The following LRMDA variants were observed in gnomAD, a reference collection of about 807,000 sequenced individuals.
LRMDA encodes leucine-rich melanocyte differentiation-associated protein.
A neutral mutation model predicts 29.8 loss-of-function variants in LRMDA; 18 were observed. The observed-to-expected ratio is 0.60, with a 90% CI of 0.42 to 0.90. LRMDA has a LOEUF of 0.90. Among genes scored for constraint, LRMDA ranks in the 40% least tolerant of loss-of-function variants. LRMDA has a pLI of 0.00. For synonymous variants in LRMDA, 125 were observed against 109.4 expected, an observed-to-expected ratio of 1.14 and a Z score of -0.89; for missense variants, 273 against 273.9, an observed-to-expected ratio of 1.00 and a Z score of 0.02.
chr10:75,465,627 C>T (rs552839039), intron 2 of LRMDA, among the ~76,000 whole-genome samples: 11 of 152,272 alleles, frequency 7.2e-5, no homozygotes, highest in African/African-American at 2.2e-4. Context: ...GCGAATGCAG[C>T]GCATTTGTAG....
At chr10:76,184,476 C>T (rs11001674) in intron 5 of LRMDA, among the ~76,000 whole-genome samples, 1 of 152,136 alleles carries the variant, frequency 6.6e-6, no homozygotes, top group African/African-American at 2.4e-5. Context: ...GTGTCCGACA[C>T]AGCAGTTGCT....
chr10:76,066,004 T>C (rs1339065695), intron 5 of LRMDA, among the ~76,000 whole-genome samples: 2 of 152,190 alleles, frequency 1.3e-5, no homozygotes, highest in African/African-American at 2.4e-5. Context: ...ACCACAGACC[T>C]CTACATGAGA....
intron 5 of LRMDA, among the ~76,000 whole-genome samples, chr10:76,315,264 G>T (rs941089347): frequency 3.3e-5 from 5 of 152,246 alleles, no homozygotes; most frequent in Non-Finnish European, 7.3e-5. Flanking sequence ...GGAAGGGCTG[G>T]TGGGAGCCAG....
chr10:76,430,833 C>T (rs1485117824), intron 6 of LRMDA, among the ~76,000 whole-genome samples: 2 of 152,120 alleles, frequency 1.3e-5, no homozygotes, highest in Non-Finnish European at 2.9e-5. Flanking sequence ...CTAATTGTCC[C>T]ACAACCCCCT....
intron 6 of LRMDA, among the ~76,000 whole-genome samples, chr10:76,518,410 G>A (rs183476647): frequency 1.2e-4 from 18 of 151,990 alleles, no homozygotes; most frequent in South Asian, 8.3e-4. Flanking sequence ...GGACGAAGAG[G>A]ACCTCATGTA....
intron 2 of LRMDA, among the ~76,000 whole-genome samples, chr10:75,900,470 C>A (rs1345034178): frequency 2.0e-5 from 3 of 152,134 alleles, no homozygotes; most frequent in Admixed American, 2.0e-4. Context: ...ATCAAAATAG[C>A]CTCTTTAAAA....
rs1296737600 is a variant in LRMDA, at chr10:75,884,276, T to TGG, written c.132-151731_132-151730insGG. On this transcript the variant is annotated intron_variant, in intron 2 of 6. Coordinates refer to ENST00000611255, the MANE Select transcript of LRMDA (RefSeq NM_001305581.2). ...GTGTGTGTGTGTGTGTGTGTGTGTG[T>TGG]GTGTGTGTGTGTGTGTAGGGGAGGG... 3.4e-4 allele frequency among the ~76,000 whole-genome samples: 33 copies of TGG among 97,986 alleles called. 1 individual carries two copies. Among genetic ancestry groups the TGG allele is most frequent in the South Asian group, 2.8e-3 (9 of 3,258 alleles). 64.3% of individuals were successfully genotyped at this position (97,986 alleles called of 152,430 possible). A position where few individuals can be genotyped will look rare whatever the true frequency, so the allele number is the denominator to read the frequency against.
intron 6 of LRMDA, among the ~76,000 whole-genome samples, chr10:76,548,118 A>G (rs1843444136): frequency 1.3e-5 from 2 of 152,190 alleles, no homozygotes; most frequent in South Asian, 4.1e-4. Flanking sequence ...CCAAGGCAGT[A>G]TCTTATAATT....
intron 5 of LRMDA, among the ~76,000 whole-genome samples, chr10:76,164,526 G>T (rs927701303): frequency 2.0e-5 from 3 of 152,110 alleles, no homozygotes; most frequent in African/African-American, 4.8e-5. Flanking sequence ...GTAAAAGGTG[G>T]CAAAAAACCA....
intron 2 of LRMDA, among the ~76,000 whole-genome samples, chr10:75,571,731 A>G (rs779552181): frequency 1.3e-5 from 2 of 152,110 alleles, no homozygotes; most frequent in South Asian, 4.1e-4. Context: ...TGTCAAGTCT[A>G]CAAGAGACTT....
intron 2 of LRMDA, among the ~76,000 whole-genome samples, chr10:75,525,601 T>TG (rs1171069813): frequency 1.3e-5 from 2 of 150,030 alleles, no homozygotes; most frequent in Admixed American, 1.3e-4. Flanking sequence ...TCTTTTTTTT[T>TG]TTTTTTTTGT....
chr10:76,367,450 G>A (rs973395989), intron 6 of LRMDA, among the ~76,000 whole-genome samples: 3 of 150,762 alleles, frequency 2.0e-5, no homozygotes, highest in South Asian at 2.1e-4. Context: ...TTGAGGTGGA[G>A]TTTTGCTCTT....
chr10:75,475,550 G>A (rs1001428388), intron 2 of LRMDA, among the ~76,000 whole-genome samples: 1 of 152,132 alleles, frequency 6.6e-6, no homozygotes, highest in African/African-American at 2.4e-5. Context: ...AACCGGTGAA[G>A]GGCTGATCGT....
chr10:76,431,698 G>A (rs1320218711), intron 6 of LRMDA, among the ~76,000 whole-genome samples: 1 of 152,098 alleles, frequency 6.6e-6, no homozygotes, highest in African/African-American at 2.4e-5. Context: ...GTGGTGCTGT[G>A]GATGATAAAG....
chr10:75,871,308 G>T (rs1212170373), intron 2 of LRMDA, among the ~76,000 whole-genome samples: 1 of 152,094 alleles, frequency 6.6e-6, no homozygotes, highest in African/African-American at 2.4e-5. Flanking sequence ...TCTTCTTTCT[G>T]CCCCAGGACC....
At chr10:76,477,390 C>T (rs1273884646) in intron 6 of LRMDA, among the ~76,000 whole-genome samples, 5 of 151,814 alleles carry the variant, frequency 3.3e-5, no homozygotes, top group Admixed American at 6.6e-5. Context: ...CACTGCTCAA[C>T]AAAATAAAAG....
chr10:76,131,167 G>C (rs374636274), intron 5 of LRMDA, among the ~76,000 whole-genome samples: 10 of 152,198 alleles, frequency 6.6e-5, no homozygotes, highest in Admixed American at 5.2e-4. Context: ...TGGTGCTTCC[G>C]CCGAATTGGC....
At chr10:76,357,388 C>T (rs1365242138) in intron 6 of LRMDA, among the ~76,000 whole-genome samples, 2 of 152,162 alleles carry the variant, frequency 1.3e-5, no homozygotes, top group African/African-American at 4.8e-5. Flanking sequence ...GCATGGAAAT[C>T]TGATCCAGTT....
intron 2 of LRMDA, among the ~76,000 whole-genome samples, chr10:75,829,656 G>A (rs1347130811): frequency 6.6e-6 from 1 of 151,798 alleles, no homozygotes; most frequent in East Asian, 1.9e-4. Flanking sequence ...AAATATCTTA[G>A]GTTTGAAGGA....
Sources: allele counts gnomAD v4.1 joint callset (sites outside exome capture counted in the v4.1 genomes callset), GRCh38; gene constraint gnomAD v4.1.1; transcripts MANE v1.5; gene names NCBI Gene and HGNC (gene_info 2026-07-23, HGNC 2026-07-21).